The following GRIN2B variants were observed in gnomAD, a reference collection of about 807,000 sequenced individuals.
GRIN2B encodes the protein glutamate ionotropic receptor NMDA type subunit 2B.
In GRIN2B, 5 loss-of-function variants were observed where a neutral mutation model predicts 114.5. The observed-to-expected ratio is 0.04, with a 90% CI of 0.02 to 0.09. The LOEUF is 0.09. GRIN2B is among the 10% of genes least tolerant of loss of function. The probability of loss-of-function intolerance (pLI) is 1.00; values close to 1 mark genes in which losing one functional copy is unlikely to be tolerated. For synonymous variants in GRIN2B, 787 were observed against 745.1 expected (o/e 1.06, Z -0.92); for missense variants, 1,108 against 1,943.5 (o/e 0.57, Z 8.08).
At chr12:13,829,444 T>C (rs1350358861) in intron 3 of GRIN2B, among the ~76,000 whole-genome samples, 1 of 152,164 alleles carries the variant, frequency 6.6e-6, no homozygotes, top group Non-Finnish European at 1.5e-5. Flanking sequence ...GCTTGTGACC[T>C]CGATTGATAA....
chr12:13,686,228 T>G (rs1397851641), intron 4 of GRIN2B, among the ~76,000 whole-genome samples: 1 of 152,144 alleles, frequency 6.6e-6, no homozygotes, highest in Admixed American at 6.5e-5. Flanking sequence ...GTTAAAGATA[T>G]CCATTGATCT....
chr12:13,720,074 C>G (rs774915744), intron 4 of GRIN2B, among the ~76,000 whole-genome samples: 2 of 151,952 alleles, frequency 1.3e-5, no homozygotes, highest in Non-Finnish European at 1.5e-5. Flanking sequence ...AGAAACAAAA[C>G]GGCAAACCAG....
rs1189702736 is a variant in GRIN2B at position 13,560,817 on chromosome 12, G to C, written c.*1966C>G. ...GTAAAAATCAAGGAGGAGGGTTGGG[G>C]ACAGCAGTCAAGGGCGGGATGAGGA... On this transcript the variant is annotated 3_prime_UTR_variant, in exon 14 of 14. Coordinates refer to ENST00000609686, the MANE Select transcript of GRIN2B (RefSeq NM_000834.5). 6.6e-6 allele frequency: 1 copy of C among 152,338 alleles called. No individual in the cohort carries two copies. Among genetic ancestry groups the C allele is most frequent in the Non-Finnish European group, 1.5e-5 (1 of 68,116 alleles). 9.4% of individuals were successfully genotyped at this position (152,338 alleles called of 1,614,324 possible). A position where few individuals can be genotyped will look rare whatever the true frequency, so the allele number is the denominator to read the frequency against.
rs754107657 is a variant in GRIN2B at position 13,962,085 on chromosome 12, T to TACACACAC, written c.-19+17842_-19+17843insGTGTGTGT. On this transcript the variant is annotated intron_variant, in intron 2 of 13. Transcript: ENST00000609686. ...GTATTCTCAGATTCTGTCTCTCTCA[T>TACACACAC]ACATACACACACACACACACACACA... Among the ~76,000 whole-genome samples, 317 of 60,416 alleles carry TACACACAC rather than the reference T, an allele frequency of 5.2e-3. 1 individual carries two copies. The highest frequency in any genetic ancestry group is 0.028 in the South Asian group (44 of 1,576). The allele number at this position is 60,416 out of a possible 152,430, so 39.6% of individuals were successfully genotyped here.
intron 5 of GRIN2B, among the ~76,000 whole-genome samples, chr12:13,649,501 T>C (rs1949795300): frequency 6.6e-6 from 1 of 152,108 alleles, no homozygotes; most frequent in Non-Finnish European, 1.5e-5. Flanking sequence ...TTAAGCAACT[T>C]TTTTTACTAC....
chr12:13,807,685 A>G (rs975594305), intron 3 of GRIN2B, among the ~76,000 whole-genome samples: 5 of 147,272 alleles, frequency 3.4e-5, no homozygotes, highest in African/African-American at 1.2e-4. Flanking sequence ...GAATATTACA[A>G]GCAGACGTTT....
chr12:13,805,699 G>A (rs1445172768), intron 3 of GRIN2B, among the ~76,000 whole-genome samples: 2 of 152,032 alleles, frequency 1.3e-5, no homozygotes, highest in Non-Finnish European at 2.9e-5. Flanking sequence ...CAAGCTAATT[G>A]ACATATACAT....
At chr12:13,702,422 G>A (rs1950321240) in intron 4 of GRIN2B, among the ~76,000 whole-genome samples, 2 of 152,150 alleles carry the variant, frequency 1.3e-5, no homozygotes, top group African/African-American at 4.8e-5. Flanking sequence ...TGGTTTTCTG[G>A]TCTGGCCTTA....
At chr12:13,589,515 AAGATCAG>A (rs1310974690) in intron 10 of GRIN2B, among the ~76,000 whole-genome samples, 1 of 152,244 alleles carries the variant, frequency 6.6e-6, no homozygotes, top group Non-Finnish European at 1.5e-5. Flanking sequence ...TACCAACAAA[AAGATCAG>A]AGATTATGTT....
intron 4 of GRIN2B, among the ~76,000 whole-genome samples, chr12:13,704,182 G>A (rs933965986): frequency 6.6e-5 from 10 of 152,120 alleles, no homozygotes; most frequent in African/African-American, 1.7e-4. Flanking sequence ...TGCTGAGACC[G>A]GGAGGCTGAC....
At chr12:13,934,948 A>T (rs1472958661) in intron 2 of GRIN2B, among the ~76,000 whole-genome samples, 3 of 152,122 alleles carry the variant, frequency 2.0e-5, no homozygotes, top group Non-Finnish European at 2.9e-5. Flanking sequence ...TCCGATCACA[A>T]TCAGCAGCTT....
intron 4 of GRIN2B, among the ~76,000 whole-genome samples, chr12:13,691,028 A>G (rs1275851780): frequency 1.3e-5 from 2 of 152,194 alleles, no homozygotes; most frequent in African/African-American, 4.8e-5. Context: ...GTACTTTTCA[A>G]TTTTTGAGGA....
chr12:13,706,293 T>A (rs770682811), intron 4 of GRIN2B, among the ~76,000 whole-genome samples: 12 of 152,154 alleles, frequency 7.9e-5, no homozygotes, highest in Non-Finnish European at 1.3e-4. Flanking sequence ...AATTAAGGAC[T>A]GAATAGACAT....
chr12:13,614,016 C>CAAAAAAA (rs77527098), intron 8 of GRIN2B, among the ~76,000 whole-genome samples: 36 of 92,838 alleles, frequency 3.9e-4, no homozygotes, highest in Admixed American at 8.1e-4. Flanking sequence ...CCTTGCACAG[C>CAAAAAAA]AAAAAAAAAA....
intron 4 of GRIN2B, among the ~76,000 whole-genome samples, chr12:13,688,811 G>T (rs187985213): frequency 6.6e-5 from 10 of 152,296 alleles, no homozygotes; most frequent in Non-Finnish European, 7.4e-5. Context: ...TGGAGCTATA[G>T]TCAACTCTCA....
intron 2 of GRIN2B, among the ~76,000 whole-genome samples, chr12:13,962,235 G>A (rs1009109740): frequency 6.6e-6 from 1 of 152,036 alleles, no homozygotes; most frequent in Admixed American, 6.5e-5. Flanking sequence ...CGAGGAACCA[G>A]GCGGGAGCAG....
chr12:13,784,737 TGA>T (rs1864192513), intron 3 of GRIN2B, among the ~76,000 whole-genome samples: 1 of 152,192 alleles, frequency 6.6e-6, no homozygotes, highest in Non-Finnish European at 1.5e-5. Flanking sequence ...TGCTGGAAGA[TGA>T]GAGACCACAT....
intron 2 of GRIN2B, among the ~76,000 whole-genome samples, chr12:13,874,160 A>G (rs1865957855): frequency 6.6e-6 from 1 of 152,186 alleles, no homozygotes; most frequent in Non-Finnish European, 1.5e-5. Context: ...TTTCTGCTAC[A>G]TCTTTCCTGG....
At chr12:13,861,814 C>T (rs61914288) in intron 3 of GRIN2B, among the ~76,000 whole-genome samples, 3,796 of 152,228 alleles carry the variant, frequency 0.025, 81 homozygotes, top group South Asian at 0.045. Context: ...TGCTGCTTTT[C>T]GATTCTCATT....
Sources: allele counts gnomAD v4.1 joint callset (sites outside exome capture counted in the v4.1 genomes callset), GRCh38; gene constraint gnomAD v4.1.1; transcripts MANE v1.5; gene names NCBI Gene and HGNC (gene_info 2026-07-23, HGNC 2026-07-21).